Variants in PARVA observed in about 807,000 individuals in gnomAD.
PARVA encodes parvin alpha.
A neutral mutation model predicts 52.6 loss-of-function variants in PARVA; 25 were observed. That is an observed-to-expected ratio of 0.48 (90% CI 0.35 to 0.66). PARVA has a LOEUF of 0.66. PARVA is among the 30% of genes least tolerant of loss of function. The pLI is 0.01. For missense variants in PARVA, 373 were observed against 450.9 expected, an observed-to-expected ratio of 0.83 and a Z score of 1.56; for synonymous variants, 185 against 179.1, an observed-to-expected ratio of 1.03 and a Z score of -0.26.
intron 1 of PARVA, among the ~76,000 whole-genome samples, chr11:12,463,508 G>A (rs751127478): frequency 1.3e-5 from 2 of 152,152 alleles, no homozygotes; most frequent in Non-Finnish European, 2.9e-5. Flanking sequence ...CAGAGGTAAA[G>A]TGCCATTTTC....
rs1227320601 is a variant in PARVA at position 12,484,539 on chromosome 11, GTGTGTGTGT to G, written c.400+6591_400+6599del. Among the ~76,000 whole-genome samples the G allele has an allele frequency of 3.2e-5, 4 of 123,944 alleles. No individual in the cohort carries two copies. In the South Asian group the frequency reaches 8.5e-4, roughly 26 times the overall value. The allele number at this position is 123,944 out of a possible 152,430, so 81.3% of individuals were successfully genotyped here. A position where few individuals can be genotyped will look rare whatever the true frequency, so the allele number is the denominator to read the frequency against. On this transcript the variant is annotated intron_variant, in intron 4 of 12. Coordinates refer to ENST00000334956, the MANE Select transcript of PARVA (RefSeq NM_018222.5). ...TGTGTGTGTGTGTGTGTGTGTGTGT[GTGTGTGTGT>G]GGTTTTCTTTTTCCCTGATAGACCC...
At chr11:12,428,882 C>T (rs578130909) in intron 1 of PARVA, among the ~76,000 whole-genome samples, 1 of 152,260 alleles carries the variant, frequency 6.6e-6, no homozygotes, top group South Asian at 2.1e-4. Flanking sequence ...TGAATAAAAA[C>T]AGAAGGAGCT....
At chr11:12,496,672 C>T (rs1300181923) in intron 5 of PARVA, 74 bp downstream of exon 5, 3 of 1,473,326 alleles carry the variant, frequency 2.0e-6, no homozygotes, top group Non-Finnish European at 2.8e-6. Flanking sequence ...CCCAAGAAGC[C>T]ATCCATAAGC....
At chr11:12,491,806 A>G (rs1373260243) in intron 4 of PARVA, among the ~76,000 whole-genome samples, 2 of 152,244 alleles carry the variant, frequency 1.3e-5, no homozygotes, top group East Asian at 3.8e-4. Context: ...AAAAGTTCAT[A>G]GAGAATATTT....
At chr11:12,414,510 A>C (rs1940036599) in intron 1 of PARVA, among the ~76,000 whole-genome samples, 1 of 152,244 alleles carries the variant, frequency 6.6e-6, no homozygotes, top group African/African-American at 2.4e-5. Flanking sequence ...TAAAATGTGA[A>C]CATTAAGGAG....
chr11:12,407,246 T>C lies in PARVA; in HGVS notation c.136+29463T>C, dbSNP rs187413002. On this transcript the variant is annotated intron_variant, in intron 1 of 12. Coordinates refer to ENST00000334956, the MANE Select transcript of PARVA (RefSeq NM_018222.5). ...TGTGATATATTAGCATCTGGAAATATCAATTCCTTGGGAGGCTGGAACCAT... is the reference window on the plus strand; with the variant it reads ...TGTGATATATTAGCATCTGGAAATACCAATTCCTTGGGAGGCTGGAACCAT... Among the ~76,000 whole-genome samples, 499 of 152,312 alleles carry C rather than the reference T, an allele frequency of 3.3e-3. 3 individuals carry two copies. The highest frequency in any genetic ancestry group is 0.011 in the African/African-American group (478 of 41,576).
chr11:12,459,151 G>T (rs574804975), intron 1 of PARVA, among the ~76,000 whole-genome samples: 1 of 152,100 alleles, frequency 6.6e-6, no homozygotes, highest in Non-Finnish European at 1.5e-5. Flanking sequence ...TGCCAGCTGG[G>T]CATGGTGGCT....
At position 12,517,808 on chromosome 11, in the gene PARVA, C is replaced by G. The variant is rs1941589392; in HGVS notation, c.969+97C>G. On this transcript the variant is annotated intron_variant, in intron 11 of 12. Transcript: ENST00000334956. ...GGGCTATCCAGAAAAAAGGCAGAAG[C>G]TTCCCCTCTGCTCAACGTCTTCAGT... The G allele has an allele frequency of 4.3e-5, 35 of 817,894 alleles. 1 individual carries two copies. The South Asian group carries it at 5.3e-4, about 12-fold the overall frequency. The allele number at this position is 817,894 out of a possible 1,614,324, so 50.7% of individuals were successfully genotyped here. A position where few individuals can be genotyped will look rare whatever the true frequency, so the allele number is the denominator to read the frequency against.
chr11:12,517,510 G>A (rs1941584358), intron 10 of PARVA, 100 bp from the exon 11 acceptor site: 2 of 859,026 alleles, frequency 2.3e-6, no homozygotes, highest in East Asian at 2.7e-5. Context: ...GGCTGGGGTG[G>A]TAGGCTTCAG....
At chr11:12,379,154 A>G (rs1939448355) in intron 1 of PARVA, among the ~76,000 whole-genome samples, 1 of 152,170 alleles carries the variant, frequency 6.6e-6, no homozygotes. Context: ...GGACGACCAG[A>G]GGTCACTCTT....
intron 8 of PARVA, 84 bp downstream of exon 8, chr11:12,511,617 C>T (rs1941503677): frequency 2.1e-6 from 3 of 1,413,444 alleles, no homozygotes; most frequent in South Asian, 2.4e-5. Context: ...GGAACAGGCT[C>T]TCAGCTTGTC....
At chr11:12,425,415 T>C (rs1417875994) in intron 1 of PARVA, among the ~76,000 whole-genome samples, 2 of 152,160 alleles carry the variant, frequency 1.3e-5, no homozygotes, top group African/African-American at 4.8e-5. Flanking sequence ...CCAACATGAA[T>C]CTTACCAGGT....
At chr11:12,525,826 T>C (rs1941693224) in intron 12 of PARVA, among the ~76,000 whole-genome samples, 1 of 151,994 alleles carries the variant, frequency 6.6e-6, no homozygotes, top group Non-Finnish European at 1.5e-5. Context: ...CCCTGGTCTA[T>C]CAGTAGGAGA....
chr11:12,462,107 A>ATT (rs1379729905), intron 1 of PARVA, among the ~76,000 whole-genome samples: 1 of 152,188 alleles, frequency 6.6e-6, no homozygotes, highest in African/African-American at 2.4e-5. Context: ...ACATGGGAAA[A>ATT]AAGTGAACCC....
intron 4 of PARVA, among the ~76,000 whole-genome samples, chr11:12,486,084 T>C (rs1006128555): frequency 7.9e-5 from 12 of 152,374 alleles, no homozygotes; most frequent in Admixed American, 6.5e-4. Context: ...AACAGTCATG[T>C]ACTAATGCCA....
At chr11:12,377,527 A>C, upstream of PARVA, 1 of 1,438,850 alleles carries the variant, frequency 6.9e-7, no homozygotes, top group Non-Finnish European at 9.3e-7. Context: ...AGCTGCCTCA[A>C]ATGCTTGGAA....
rs1275800891 is a variant in PARVA, at chr11:12,529,325, C to T, written c.*1400C>T. On this transcript the variant is annotated 3_prime_UTR_variant, in exon 13 of 13. Transcript: ENST00000334956. ...TAAGTCCTGTAAGAATAGGGAAGGG[C>T]GGAGGGGGGTGGGCAGTGACTAGGG... The T allele has an allele frequency of 1.3e-5, 2 of 151,624 alleles. No individual in the cohort carries two copies. Among genetic ancestry groups the T allele is most frequent in the South Asian group, 2.1e-4 (1 of 4,796 alleles). 9.4% of individuals were successfully genotyped at this position (151,624 alleles called of 1,614,324 possible). A position where few individuals can be genotyped will look rare whatever the true frequency, so the allele number is the denominator to read the frequency against.
At chr11:12,406,068 A>G (rs1939901678) in intron 1 of PARVA, among the ~76,000 whole-genome samples, 1 of 152,258 alleles carries the variant, frequency 6.6e-6, no homozygotes, top group South Asian at 2.1e-4. Flanking sequence ...ATGAAATCAT[A>G]CTGTGTATTA....
At position 12,445,959 on chromosome 11, in the gene PARVA, A is replaced by G. The variant is rs77096893; in HGVS notation, c.137-27786A>G. Among the ~76,000 whole-genome samples the G allele has an allele frequency of 9.0e-3, 1,365 of 152,272 alleles. 23 individuals are homozygous for G. The highest frequency in any genetic ancestry group is 0.031 in the African/African-American group (1,286 of 41,548). ...TTTTTTAAATAGTATTCTTATCCCA[A>G]TTGTTGAGGAAAGACAATTTTCTGA... On this transcript the variant is annotated intron_variant, in intron 1 of 12. Transcript: ENST00000334956.
Sources: allele counts gnomAD v4.1 joint callset (sites outside exome capture counted in the v4.1 genomes callset), GRCh38; gene constraint gnomAD v4.1.1; transcripts MANE v1.5; gene names NCBI Gene and HGNC (gene_info 2026-07-23, HGNC 2026-07-21).